The following USP34 variants were observed in gnomAD, a reference collection of about 807,000 sequenced individuals.
The protein encoded by USP34 is ubiquitin carboxyl-terminal hydrolase 34.
USP34 carries 70 observed loss-of-function variants against 460.3 expected under a neutral mutation model. The ratio of observed to expected loss-of-function variants is 0.15; its 90% CI spans 0.13 to 0.19. The LOEUF (loss-of-function observed/expected upper bound fraction) is 0.19. USP34 is among the 10% of genes least tolerant of loss of function. USP34 has a pLI of 1.00. For missense variants in USP34, 3,985 were observed against 4,236.2 expected, an observed-to-expected ratio of 0.94 and a Z score of 1.65; for synonymous variants, 1,647 against 1,405.3, an observed-to-expected ratio of 1.17 and a Z score of -3.85.
At chr2:61,252,248 T>C (rs1446909793) in intron 48 of USP34, among the ~76,000 whole-genome samples, 2 of 152,212 alleles carry the variant, frequency 1.3e-5, no homozygotes, top group Non-Finnish European at 2.9e-5. Context: ...ATTAGATGAA[T>C]GACCCTATAT....
chr2:61,447,282 A>AAAC (rs1695148926), intron 1 of USP34, among the ~76,000 whole-genome samples: 1 of 136,558 alleles, frequency 7.3e-6, no homozygotes, highest in Non-Finnish European at 1.6e-5. Flanking sequence ...AAAAAAAAAA[A>AAAC]CCAGAAAACA....
At chr2:61,373,211 CTATATA>C (rs955983833) in intron 8 of USP34, among the ~76,000 whole-genome samples, 1 of 151,126 alleles carries the variant, frequency 6.6e-6, no homozygotes, top group African/African-American at 2.4e-5. Flanking sequence ...ACACTAGAAT[CTATATA>C]TATATACTAT....
chr2:61,337,624 T>C (rs1377177838), intron 18 of USP34, among the ~76,000 whole-genome samples: 3 of 152,054 alleles, frequency 2.0e-5, no homozygotes, highest in Non-Finnish European at 4.4e-5. Flanking sequence ...CTGGATACTT[T>C]TATTTGTATT....
intron 1 of USP34, among the ~76,000 whole-genome samples, chr2:61,469,758 C>G (rs1156317579): frequency 6.6e-6 from 1 of 152,146 alleles, no homozygotes; most frequent in Non-Finnish European, 1.5e-5. Flanking sequence ...GTAAATTGAT[C>G]CCTTCATCTA....
At chr2:61,343,530 A>G (rs780099534) in intron 16 of USP34, among the ~76,000 whole-genome samples, 112 of 152,142 alleles carry the variant, frequency 7.4e-4, no homozygotes, top group Non-Finnish European at 1.5e-3. Context: ...TAATACAACC[A>G]TATATTTTCT....
rs1693854148 is a variant in USP34, at chr2:61,405,808, G to A, written c.452C>T (p.Thr151Ile). The A allele has an allele frequency of 6.2e-7, 1 of 1,613,254 alleles. No homozygotes were observed. Among genetic ancestry groups the A allele is most frequent in the African/African-American group, 1.3e-5 (1 of 74,910 alleles). ...TAGTAAGAGTTTTTCCTTCTCATCT[G>A]TACTCCATAAACTAAAAGGATCAGA... ...KSSDPFSLWSTDEKEKLLLCV... is the reference protein window; with the variant it reads ...KSSDPFSLWSIDEKEKLLLCV... The change falls in exon 3 of 80, where the codon ACA becomes ATA. Residue 151 changes from threonine to isoleucine, a missense_variant. Thr to Ile is a moderately conservative substitution (Grantham distance 89). Around this residue, in one of 14 missense-constraint regions of USP34, gnomAD observed 331 missense variants for 293.7 expected, o/e 1.13. Coordinates refer to ENST00000398571, the MANE Select transcript of USP34 (RefSeq NM_014709.4).
At position 61,301,531 on chromosome 2, in the gene USP34, G is replaced by A. The variant is rs1690225088; in HGVS notation, c.3818-77C>T. 1.0e-5 allele frequency: 13 copies of A among 1,238,272 alleles called. No individual in the cohort carries two copies. In the South Asian group the frequency reaches 1.3e-4, roughly 12 times the overall value. The allele number at this position is 1,238,272 out of a possible 1,614,324, so 76.7% of individuals were successfully genotyped here. A position where few individuals can be genotyped will look rare whatever the true frequency, so the allele number is the denominator to read the frequency against. ...TTGCTGATAAGAATATGTAGTTGTA[G>A]CAATTAAACACACTGTATGTTAAGT... On this transcript the variant is annotated intron_variant, in intron 27 of 79. Coordinates refer to ENST00000398571, the MANE Select transcript of USP34 (RefSeq NM_014709.4).
intron 1 of USP34, among the ~76,000 whole-genome samples, chr2:61,430,842 AAAAAT>A (rs1430471571): frequency 2.4e-4 from 37 of 152,092 alleles, no homozygotes; most frequent in African/African-American, 8.9e-4. Context: ...CTTCGCTACA[AAAAAT>A]AAAATAATTA....
chr2:61,296,130 C>T (rs772407800), intron 30 of USP34, among the ~76,000 whole-genome samples: 1 of 151,966 alleles, frequency 6.6e-6, no homozygotes, highest in African/African-American at 2.4e-5. Flanking sequence ...ATGGTGCACA[C>T]GCCTATGGTC....
At chr2:61,452,169 G>A (rs1445400583) in intron 1 of USP34, among the ~76,000 whole-genome samples, 34 of 143,356 alleles carry the variant, frequency 2.4e-4, no homozygotes, top group South Asian at 1.6e-3. Context: ...GCGAGACTCC[G>A]TCTCAAAAAA....
intron 35 of USP34, 126 bp from the exon 36 acceptor site, chr2:61,283,575 GAGTGA>G: frequency 2.0e-5 from 3 of 148,914 alleles, no homozygotes; most frequent in South Asian, 2.9e-4. Context: ...GTGGGTGTGT[GAGTGA>G]GAGTGAGAGT....
At chr2:61,282,846 CA>C (rs1689574665) in intron 37 of USP34, among the ~76,000 whole-genome samples, 1 of 151,464 alleles carries the variant, frequency 6.6e-6, no homozygotes, top group Non-Finnish European at 1.5e-5. Context: ...CATAAATTAC[CA>C]AAATAAATTC....
chr2:61,392,481 G>A (rs1354371938), intron 5 of USP34, among the ~76,000 whole-genome samples: 1 of 152,028 alleles, frequency 6.6e-6, no homozygotes, highest in Admixed American at 6.6e-5. Flanking sequence ...AAAATTAGCT[G>A]GGTGTGGTAG....
chr2:61,404,199 T>A (rs939966412), intron 3 of USP34, among the ~76,000 whole-genome samples: 3 of 151,966 alleles, frequency 2.0e-5, no homozygotes. Context: ...TAAAGGACTA[T>A]TATTTCCCAG....
chr2:61,261,675 A>T (rs755510354), intron 43 of USP34, among the ~76,000 whole-genome samples: 6 of 152,204 alleles, frequency 3.9e-5, no homozygotes, highest in Non-Finnish European at 8.8e-5. Context: ...ATTTTACCAC[A>T]ATTAGAATAT....
Position 61,188,947 on chromosome 2 carries a change from T to G in USP34, c.9996A>C (p.Ser3332=), listed in dbSNP as rs1686535384. 7 of 1,614,134 alleles carry G rather than the reference T, an allele frequency of 4.3e-6. No individual in the cohort carries two copies. Among genetic ancestry groups the G allele is most frequent in the Non-Finnish European group, 5.9e-6 (7 of 1,180,028 alleles). The change falls in exon 79 of 80, where the codon TCA becomes TCC. Residue 3332 remains serine (S), a synonymous_variant. Coordinates refer to ENST00000398571, the MANE Select transcript of USP34 (RefSeq NM_014709.4). The part of the protein sequence containing the change: ...KCRTCLQQRN[S]LQEQEAKERK... ...TTTCTTTGGCTTCTTGCTCTTGGAG[T>G]GAGTTTCTCTGTTGCAGACAAGTCC...
intron 2 of USP34, among the ~76,000 whole-genome samples, chr2:61,414,390 T>C (rs982665788): frequency 1.3e-5 from 2 of 152,144 alleles, no homozygotes; most frequent in Non-Finnish European, 2.9e-5. Context: ...TGCAAGCAAT[T>C]TTCCAATTCT....
chr2:61,288,464 A>G (rs947819891), intron 34 of USP34, among the ~76,000 whole-genome samples: 4 of 152,224 alleles, frequency 2.6e-5, no homozygotes, highest in Non-Finnish European at 4.4e-5. Context: ...AGTCTCACAG[A>G]TATTAAAATG....
chr2:61,402,346 C>T (rs532065889), intron 3 of USP34, among the ~76,000 whole-genome samples: 2 of 152,136 alleles, frequency 1.3e-5, no homozygotes, highest in South Asian at 2.1e-4. Flanking sequence ...TACTTATGTC[C>T]AATTACCGAA....
Sources: gnomAD v4.1 joint callset for allele counts (sites outside exome capture counted in the v4.1 genomes callset) on GRCh38, gnomAD v4.1.1 for gene constraint, gnomAD v4.1.1 regional missense constraint, MANE v1.5 for transcripts, NCBI Gene and HGNC (gene_info 2026-07-23, HGNC 2026-07-21) for gene names.